PALLD: variants seen among roughly 807,000 people sequenced by gnomAD.
PALLD encodes the protein palladin, cytoskeletal associated protein.
Under a neutral mutation model 123.5 loss-of-function variants are expected in PALLD, and 61 were observed. The ratio of observed to expected loss-of-function variants is 0.49; its 90% CI spans 0.40 to 0.61. The LOEUF (loss-of-function observed/expected upper bound fraction) is 0.61. Ranked by LOEUF, PALLD falls within the 20% of genes least tolerant of loss-of-function variation. The pLI is 0.00. For synonymous variants in PALLD, 465 were observed against 496.4 expected, an observed-to-expected ratio of 0.94 and a Z score of 0.84; for missense variants, 1,273 against 1,377.0, an observed-to-expected ratio of 0.92 and a Z score of 1.20.
chr4:168,708,975 A>C, intron 8 of PALLD, 53 bp from the exon 9 acceptor site: 3 of 1,586,640 alleles, frequency 1.9e-6, no homozygotes, highest in South Asian at 2.2e-5. Flanking sequence ...CACTTCTTAA[A>C]AGTGACTTCA....
chr4:168,898,694 G>A lies in PALLD; in HGVS notation c.2452G>A (p.Ala818Thr). ...GMPVTFTCRV[A>T]GNPKPKIYWF... is the part of the protein sequence containing the mutation. ...GCCAGTAACTTTCACATGTAGAGTG[G>A]CTGGAAATCCAAAGCCAAAGGTGAG... is the stretch of plus-strand genomic sequence containing the variant. Residue 818 changes from alanine to threonine, a missense_variant, in exon 14 of 22, where the codon GCT (alanine) becomes ACT (threonine). Ala to Thr is a moderately conservative substitution (Grantham distance 58). Transcript: ENST00000505667. 1 of 1,613,424 alleles carries A rather than the reference G, an allele frequency of 6.2e-7. No individual in the cohort carries two copies. The highest frequency in any genetic ancestry group is 8.5e-7 in the Non-Finnish European group (1 of 1,179,380).
At chr4:168,755,199 C>G (rs377056004) in intron 10 of PALLD, among the ~76,000 whole-genome samples, 9 of 147,436 alleles carry the variant, frequency 6.1e-5, no homozygotes, top group South Asian at 2.2e-4. Context: ...CACCACTGCA[C>G]TCCAGCCTGG....
intron 2 of PALLD, among the ~76,000 whole-genome samples, chr4:168,533,622 A>G (rs1291138716): frequency 1.3e-5 from 2 of 152,162 alleles, no homozygotes; most frequent in African/African-American, 4.8e-5. Flanking sequence ...TAGGAAGAGC[A>G]TTCATATAAA....
chr4:168,711,696 G>T lies in PALLD; in HGVS notation c.1737G>T (p.Lys579Asn), dbSNP rs1475917944. The change falls in exon 10 of 22, where the codon AAG (lysine) becomes AAT (asparagine). Residue 579 changes from lysine to asparagine, a missense_variant. By Grantham distance (94) the Lys-to-Asn change is moderately conservative. Around this residue, in one of 2 missense-constraint regions of PALLD, gnomAD observed 944 missense variants for 954.5 expected, o/e 0.99. Coordinates refer to ENST00000505667, the MANE Select transcript of PALLD (RefSeq NM_001166108.2). ...LETSSLELAS[K>N]KPSEIQQVNN... ...CAAGTTCCTTGGAGTTGGCTTCAAA[G>T]AAACCATCTGAGATCCAGCAGGTGA... 4 of 1,613,972 alleles carry T rather than the reference G, an allele frequency of 2.5e-6. No individual in the cohort carries two copies. Among genetic ancestry groups the T allele is most frequent in the South Asian group, 2.2e-5 (2 of 91,080 alleles).
chr4:168,684,969 T>G (rs899105435), intron 5 of PALLD, among the ~76,000 whole-genome samples: 1 of 152,234 alleles, frequency 6.6e-6, no homozygotes, highest in Admixed American at 6.5e-5. Flanking sequence ...TGAATAGGTA[T>G]TTTAGCACGT....
chr4:168,547,772 C>T (rs941856598), intron 2 of PALLD, among the ~76,000 whole-genome samples: 7 of 151,660 alleles, frequency 4.6e-5, no homozygotes, highest in African/African-American at 1.2e-4. Context: ...ATGGTGAAAC[C>T]CCATCTCTAT....
At chr4:168,612,106 G>A (rs1194063007) in intron 2 of PALLD, among the ~76,000 whole-genome samples, 1 of 152,178 alleles carries the variant, frequency 6.6e-6, no homozygotes, top group African/African-American at 2.4e-5. Flanking sequence ...GCTGCAGTGA[G>A]CCAGGATCGT....
At chr4:168,672,466 T>TA (rs1780379076) in intron 3 of PALLD, among the ~76,000 whole-genome samples, 1 of 151,920 alleles carries the variant, frequency 6.6e-6, no homozygotes, top group African/African-American at 2.4e-5. Context: ...AGATTAACTT[T>TA]TTTTTTTTTT....
intron 2 of PALLD, among the ~76,000 whole-genome samples, chr4:168,573,057 C>G (rs78128085): frequency 5.5e-5 from 1 of 18,134 alleles, no homozygotes; most frequent in Non-Finnish European, 1.2e-4. Context: ...TCATCTACCA[C>G]TCTTCTCCCC....
At chr4:168,867,364 A>T (rs968678250) in intron 10 of PALLD, among the ~76,000 whole-genome samples, 7 of 152,158 alleles carry the variant, frequency 4.6e-5, no homozygotes, top group African/African-American at 1.7e-4. Context: ...GGTGGCTTTA[A>T]ACACAGGAAA....
At chr4:168,604,790 C>G (rs1773007281) in intron 2 of PALLD, among the ~76,000 whole-genome samples, 1 of 152,190 alleles carries the variant, frequency 6.6e-6, no homozygotes, top group African/African-American at 2.4e-5. Flanking sequence ...ACCTAATGAG[C>G]TTCTGAGAGA....
intron 2 of PALLD, among the ~76,000 whole-genome samples, chr4:168,523,209 C>G (rs571727181): frequency 1.1e-5 from 1 of 89,942 alleles, no homozygotes; most frequent in Non-Finnish European, 1.9e-5. Flanking sequence ...TCTTTGAGAA[C>G]GAGAAGAAAG....
At chr4:168,842,741 TTCTC>T (rs902764806) in intron 10 of PALLD, among the ~76,000 whole-genome samples, 3 of 152,228 alleles carry the variant, frequency 2.0e-5, no homozygotes, top group African/African-American at 4.8e-5. Context: ...TCCTATCCAG[TTCTC>T]TCTATCTGCT....
chr4:168,878,359 C>A lies in PALLD; in HGVS notation c.1965-12563C>A. 2 of 1,518,602 alleles carry A rather than the reference C, an allele frequency of 1.3e-6. No individual in the cohort carries two copies. The highest frequency in any genetic ancestry group is 1.8e-6 in the Non-Finnish European group (2 of 1,139,860). 94.1% of individuals were successfully genotyped at this position (1,518,602 alleles called of 1,614,324 possible). On this transcript the variant is annotated intron_variant, in intron 10 of 21. Coordinates refer to ENST00000505667, the MANE Select transcript of PALLD (RefSeq NM_001166108.2). ...CCTCGCAGCCGCCGCCGGCGGCCGTCAACGCCCTGGGGCTGCCCAAGGGTG... is the reference window on the plus strand; with the variant it reads ...CCTCGCAGCCGCCGCCGGCGGCCGTAAACGCCCTGGGGCTGCCCAAGGGTG...
At position 168,927,365 on chromosome 4, in the gene PALLD, C is replaced by G. The variant is rs1762695716; in HGVS notation, c.*1185C>G. On this transcript the variant is annotated 3_prime_UTR_variant, in exon 22 of 22. Transcript: ENST00000505667. ...ACACTGCCATTCACAAGTCAAGGAACCCAGGGCCAGCTGGAAGTGTGGAGC... is the reference window on the plus strand; with the variant it reads ...ACACTGCCATTCACAAGTCAAGGAAGCCAGGGCCAGCTGGAAGTGTGGAGC... 5 of 232,690 alleles carry G rather than the reference C, an allele frequency of 2.1e-5. No individual in the cohort carries two copies. Among genetic ancestry groups the G allele is most frequent in the Non-Finnish European group, 3.4e-5 (4 of 117,648 alleles). The allele number at this position is 232,690 out of a possible 1,614,324, so 14.4% of individuals were successfully genotyped here.
At chr4:168,555,553 T>G (rs924443751) in intron 2 of PALLD, among the ~76,000 whole-genome samples, 5 of 152,188 alleles carry the variant, frequency 3.3e-5, no homozygotes, top group African/African-American at 9.7e-5. Context: ...CTAATTTTCC[T>G]TTTAGATAGC....
At chr4:168,656,072 T>C (rs1415484433) in intron 2 of PALLD, among the ~76,000 whole-genome samples, 1 of 152,210 alleles carries the variant, frequency 6.6e-6, no homozygotes, top group African/African-American at 2.4e-5. Flanking sequence ...GACAGCATTG[T>C]CTGATAAAGC....
intron 10 of PALLD, among the ~76,000 whole-genome samples, chr4:168,848,054 A>G (rs1408084919): frequency 6.6e-6 from 1 of 152,096 alleles, no homozygotes; most frequent in African/African-American, 2.4e-5. Context: ...TTTAACCTCT[A>G]AGAAAACTGA....
rs766494935 is a variant in PALLD, at chr4:168,768,397, G to A, written c.1964+56474G>A. Reference sequence around the variant, plus strand: ...AATTACCCTGAACCTGGAACACTTTGTTTTAAGACATGGATGATCAGACGG... The same window carrying A: ...AATTACCCTGAACCTGGAACACTTTATTTTAAGACATGGATGATCAGACGG... On this transcript the variant is annotated intron_variant, in intron 10 of 21. Transcript: ENST00000505667. Among the ~76,000 whole-genome samples the A allele has an allele frequency of 9.2e-5, 14 of 152,282 alleles. No homozygotes were observed. In the South Asian group the frequency reaches 2.1e-3, roughly 23 times the overall value.
Sources: gnomAD v4.1 joint callset for allele counts (sites outside exome capture counted in the v4.1 genomes callset) on GRCh38, gnomAD v4.1.1 for gene constraint, gnomAD v4.1.1 regional missense constraint, MANE v1.5 for transcripts, NCBI Gene and HGNC (gene_info 2026-07-23, HGNC 2026-07-21) for gene names.